CAMK2B: variants seen among roughly 807,000 people sequenced by gnomAD.
CAMK2B encodes calcium/calmodulin dependent protein kinase II beta.
A neutral mutation model predicts 93.7 loss-of-function variants in CAMK2B; 27 were observed. The ratio of observed to expected loss-of-function variants is 0.29; its 90% CI spans 0.21 to 0.40. The LOEUF (loss-of-function observed/expected upper bound fraction) is 0.40. CAMK2B is among the 10% of genes least tolerant of loss of function. The pLI, the probability that CAMK2B is intolerant of heterozygous loss-of-function variation, is 1.00. For missense variants in CAMK2B, 568 were observed against 895.8 expected, an observed-to-expected ratio of 0.63 and a Z score of 4.67; for synonymous variants, 374 against 358.8, an observed-to-expected ratio of 1.04 and a Z score of -0.48.
intron 6 of CAMK2B, 132 bp from the exon 7 acceptor site, chr7:44,243,659 C>T: frequency 1.5e-6 from 1 of 688,456 alleles, no homozygotes; most frequent in East Asian, 2.7e-5. Context: ...TGAGCCCTGC[C>T]CCATGGTGTC....
chr7:44,236,825 T>A (rs980508182), intron 13 of CAMK2B, among the ~76,000 whole-genome samples: 1 of 152,176 alleles, frequency 6.6e-6, no homozygotes, highest in Non-Finnish European at 1.5e-5. Flanking sequence ...AGCTGAGGGA[T>A]CCTGTCCTTG....
At chr7:44,242,428 C>A (rs1017274992) in intron 9 of CAMK2B, 88 bp from the exon 10 acceptor site, 6 of 1,560,386 alleles carry the variant, frequency 3.8e-6, no homozygotes, top group Admixed American at 3.5e-5. Context: ...TCTCCAGCCA[C>A]GAATCTGGGA....
At chr7:44,319,280 G>A (rs976901673) in intron 1 of CAMK2B, among the ~76,000 whole-genome samples, 2 of 152,188 alleles carry the variant, frequency 1.3e-5, no homozygotes, top group Non-Finnish European at 2.9e-5. Context: ...ACAGGGAAAT[G>A]GGAGTGGTCT....
At chr7:44,222,219 TG>T (rs2096417129) in intron 20 of CAMK2B, among the ~76,000 whole-genome samples, 1 of 152,150 alleles carries the variant, frequency 6.6e-6, no homozygotes, top group Non-Finnish European at 1.5e-5. Context: ...ACTCTCCCTG[TG>T]GGGGAAGTCT....
intron 1 of CAMK2B, among the ~76,000 whole-genome samples, chr7:44,308,347 C>T (rs915896467): frequency 6.6e-6 from 1 of 152,150 alleles, no homozygotes; most frequent in African/African-American, 2.4e-5. Flanking sequence ...GATAGGAAGG[C>T]CCAGGTGGCT....
intron 1 of CAMK2B, among the ~76,000 whole-genome samples, chr7:44,304,358 A>T (rs1019989258): frequency 4.6e-5 from 7 of 152,240 alleles, no homozygotes; most frequent in African/African-American, 1.7e-4. Flanking sequence ...TCCTTCAGCA[A>T]GCAAATGAAC....
In CAMK2B at chr7:44,262,872, G is replaced by A. The variant is rs1378876204; in HGVS notation, c.220+133C>T. ...AGAGGGGGCGTCCTCAGGGGCTTCT[G>A]GTGGGATATTTCAACAGAGAAGAAA... is the stretch of plus-strand genomic sequence containing the variant. On this transcript the variant is annotated intron_variant, in intron 3 of 23. Coordinates refer to ENST00000395749, the MANE Select transcript of CAMK2B (RefSeq NM_001220.5). The A allele has an allele frequency of 8.0e-6, 6 of 747,858 alleles. No homozygotes were observed. In the African/African-American group the frequency reaches 1.0e-4, roughly 13 times the overall value. 46.3% of individuals were successfully genotyped at this position (747,858 alleles called of 1,614,324 possible). A position where few individuals can be genotyped will look rare whatever the true frequency, so the allele number is the denominator to read the frequency against.
At position 44,325,348 on chromosome 7, in the gene CAMK2B, T is replaced by G. The variant is rs541261770; in HGVS notation, c.65+9A>C. 5 of 1,246,246 alleles carry G rather than the reference T, an allele frequency of 4.0e-6. No homozygotes were observed. In the Admixed American group the frequency reaches 1.3e-4, roughly 33 times the overall value. The allele number at this position is 1,246,246 out of a possible 1,614,324, so 77.2% of individuals were successfully genotyped here. Reference sequence around the variant, plus strand: ...CCCCGGCCCAGCCCGCGCGCGCCGCTGCTCTTACTTGCCAATATCCTCGTA... The same window carrying G: ...CCCCGGCCCAGCCCGCGCGCGCCGCGGCTCTTACTTGCCAATATCCTCGTA... On this transcript the variant is annotated intron_variant, in intron 1 of 23. Coordinates refer to ENST00000395749, the MANE Select transcript of CAMK2B (RefSeq NM_001220.5).
In CAMK2B at chr7:44,226,578, G is replaced by A. The variant is rs1422450842; in HGVS notation, c.1535C>T (p.Pro512Leu). 1.3e-6 allele frequency: 2 copies of A among 1,489,202 alleles called. No individual in the cohort carries two copies. Among genetic ancestry groups the A allele is most frequent in the Non-Finnish European group, 1.8e-6 (2 of 1,128,074 alleles). The allele number at this position is 1,489,202 out of a possible 1,614,324, so 92.2% of individuals were successfully genotyped here. A position where few individuals can be genotyped will look rare whatever the true frequency, so the allele number is the denominator to read the frequency against. Residue 512 changes from proline to leucine, a missense_variant, in exon 20 of 24, where the codon CCC becomes CTC. Physicochemically the swap from Pro to Leu is moderately conservative, Grantham distance 98. Around this residue, in one of 4 missense-constraint regions of CAMK2B, gnomAD observed 308 missense variants for 292.1 expected, o/e 1.05. Transcript: ENST00000395749. ...GCAGGGCGGGGGCCCCACTGGCGAG[G>A]GGCCCTCGGCTTCTGGGGTCCCTGA... is the stretch of plus-strand genomic sequence containing the variant. ...RGSGTPEAEG[P>L]SPVGPPPCPS...
In CAMK2B at chr7:44,286,817, C is replaced by T. The variant is rs1785257299; in HGVS notation, c.66-2592G>A. Reference sequence around the variant, plus strand: ...GAGCCAGGGGGCCAAGGCCAGGCAGCGCCGCTGAGGAAGGAGGAAGGCATG... The same window carrying T: ...GAGCCAGGGGGCCAAGGCCAGGCAGTGCCGCTGAGGAAGGAGGAAGGCATG... On this transcript the variant is annotated intron_variant, in intron 1 of 23. Coordinates refer to ENST00000395749, the MANE Select transcript of CAMK2B (RefSeq NM_001220.5). This position sits in a 1 kb window ranked among gnomAD's most constrained non-coding sequence, Gnocchi z 4.0. Among the ~76,000 whole-genome samples, 2 of 152,178 alleles carry T rather than the reference C, an allele frequency of 1.3e-5. No individual in the cohort carries two copies. Among genetic ancestry groups the T allele is most frequent in the Admixed American group, 6.5e-5 (1 of 15,288 alleles).
intron 11 of CAMK2B, among the ~76,000 whole-genome samples, chr7:44,241,220 C>T (rs951531382): frequency 1.3e-5 from 2 of 152,170 alleles, no homozygotes; most frequent in African/African-American, 2.4e-5. Flanking sequence ...GTGCGGTCAC[C>T]GGAGCCAGCC....
chr7:44,289,470 G>A (rs1786122757), intron 1 of CAMK2B, among the ~76,000 whole-genome samples: 1 of 152,162 alleles, frequency 6.6e-6, no homozygotes, highest in Non-Finnish European at 1.5e-5. Context: ...CAAGATTACC[G>A]GCTCTTGGGG....
At chr7:44,276,876 G>A (rs906856539) in intron 2 of CAMK2B, among the ~76,000 whole-genome samples, 1 of 152,146 alleles carries the variant, frequency 6.6e-6, no homozygotes, top group African/African-American at 2.4e-5. Context: ...CAGCTTCTTC[G>A]GGACTCAGCT....
At chr7:44,249,910 C>T (rs1156660466) in intron 5 of CAMK2B, among the ~76,000 whole-genome samples, 1 of 152,162 alleles carries the variant, frequency 6.6e-6, no homozygotes, top group Non-Finnish European at 1.5e-5. Context: ...AGGAGGCTCC[C>T]CTCCCCTCCC....
chr7:44,272,066 C>T (rs2096979632), intron 2 of CAMK2B, among the ~76,000 whole-genome samples: 1 of 152,116 alleles, frequency 6.6e-6, no homozygotes, highest in East Asian at 1.9e-4. Flanking sequence ...CACTTGGAGC[C>T]TCGGGAGCAG....
At chr7:44,296,377 T>C (rs1225237501) in intron 1 of CAMK2B, among the ~76,000 whole-genome samples, 1 of 151,844 alleles carries the variant, frequency 6.6e-6, no homozygotes, top group Non-Finnish European at 1.5e-5. Context: ...CAATAGGAAC[T>C]TCTAAAACTA....
At chr7:44,315,853 A>AT (rs1204439028) in intron 1 of CAMK2B, among the ~76,000 whole-genome samples, 3 of 151,940 alleles carry the variant, frequency 2.0e-5, no homozygotes, top group Admixed American at 2.0e-4. Flanking sequence ...TAATTTTGTT[A>AT]TTTTGAACTT....
intron 5 of CAMK2B, among the ~76,000 whole-genome samples, chr7:44,253,417 T>G (rs2096799236): frequency 6.6e-6 from 1 of 152,150 alleles, no homozygotes; most frequent in East Asian, 1.9e-4. Context: ...TTCTCCATGT[T>G]GGTCAGGTTG....
chr7:44,289,196 C>T (rs1028535753), intron 1 of CAMK2B, among the ~76,000 whole-genome samples: 1 of 152,164 alleles, frequency 6.6e-6, no homozygotes, highest in African/African-American at 2.4e-5. Flanking sequence ...CCCACCAACC[C>T]CCACGGAGCT....
Sources: gnomAD v4.1 joint callset for allele counts (sites outside exome capture counted in the v4.1 genomes callset) on GRCh38, gnomAD v4.1.1 for gene constraint, gnomAD v4.1.1 regional missense constraint, Gnocchi (gnomAD v3.1) non-coding constraint, MANE v1.5 for transcripts, NCBI Gene and HGNC (gene_info 2026-07-23, HGNC 2026-07-21) for gene names.